ZFPM2: variants seen among roughly 807,000 people sequenced by gnomAD.
ZFPM2 encodes the protein zinc finger protein, FOG family member 2.
Under a neutral mutation model 98.6 loss-of-function variants are expected in ZFPM2, and 20 were observed. The ratio of observed to expected loss-of-function variants is 0.20; its 90% CI spans 0.14 to 0.29. The LOEUF (loss-of-function observed/expected upper bound fraction) is 0.29. Ranked by LOEUF, ZFPM2 falls within the 10% of genes least tolerant of loss-of-function variation. The pLI is 1.00. For missense variants in ZFPM2, 1,310 were observed against 1,388.6 expected (o/e 0.94, Z 0.90); for synonymous variants, 518 against 502.7 (o/e 1.03, Z -0.41).
chr8:105,368,234 G>A (rs969976693), intron 1 of ZFPM2, among the ~76,000 whole-genome samples: 1 of 150,662 alleles, frequency 6.6e-6, no homozygotes, highest in Non-Finnish European at 1.5e-5. Flanking sequence ...AATGATGCTG[G>A]CCTCATAAAA....
At chr8:105,789,581 G>C (rs1487637979) in intron 6 of ZFPM2, among the ~76,000 whole-genome samples, 2 of 151,308 alleles carry the variant, frequency 1.3e-5, no homozygotes, top group African/African-American at 4.8e-5. Context: ...ATGATTTATA[G>C]TCCTTTGGGT....
At chr8:105,444,451 G>T in intron 3 of ZFPM2, 70 bp downstream of exon 3, 2 of 1,203,604 alleles carry the variant, frequency 1.7e-6, no homozygotes, top group Non-Finnish European at 1.2e-6. Flanking sequence ...TTTTTTTCTT[G>T]AACATCAGTT....
intron 3 of ZFPM2, among the ~76,000 whole-genome samples, chr8:105,519,079 T>C (rs530976759): frequency 1.3e-5 from 2 of 152,286 alleles, no homozygotes; most frequent in Middle Eastern, 3.4e-3. Context: ...TTTAATTCTC[T>C]CAATGTCTTC....
intron 1 of ZFPM2, among the ~76,000 whole-genome samples, chr8:105,377,987 A>G (rs1323755903): frequency 6.6e-6 from 1 of 152,124 alleles, no homozygotes; most frequent in Non-Finnish European, 1.5e-5. Context: ...CAGTTATGGG[A>G]AACTAGGGAA....
intron 4 of ZFPM2, among the ~76,000 whole-genome samples, chr8:105,571,127 G>A (rs1444300899): frequency 2.0e-5 from 3 of 152,212 alleles, no homozygotes; most frequent in Non-Finnish European, 4.4e-5. Context: ...GAGGATCGGT[G>A]TGAAGGATGA....
At chr8:105,711,899 A>G (rs1038058089) in intron 5 of ZFPM2, among the ~76,000 whole-genome samples, 3 of 151,978 alleles carry the variant, frequency 2.0e-5, no homozygotes, top group Non-Finnish European at 2.9e-5. Flanking sequence ...GCTTCTTTCT[A>G]TGGTTTTATA....
At position 105,802,227 on chromosome 8, in the gene ZFPM2, C is replaced by A; in HGVS notation, c.2145C>A (p.Asp715Glu). The A allele has an allele frequency of 6.2e-7, 1 of 1,613,934 alleles. No homozygotes were observed. Among genetic ancestry groups the A allele is most frequent in the East Asian group, 2.2e-5 (1 of 44,850 alleles). ...HKQYYCATRH[D>E]PPLKRSASNK... ...AGTATTACTGTGCTACACGCCACGA[C>A]CCTCCACTGAAGAGGTCTGCTTCCA... Residue 715 changes from aspartate (D) to glutamate (E), a missense_variant, in exon 8 of 8, where the codon GAC becomes GAA. Physicochemically the swap from Asp to Glu is conservative, Grantham distance 45. Coordinates refer to ENST00000407775, the MANE Select transcript of ZFPM2 (RefSeq NM_012082.4).
chr8:105,786,891 A>G (rs1360287539), intron 5 of ZFPM2, among the ~76,000 whole-genome samples: 1 of 152,198 alleles, frequency 6.6e-6, no homozygotes, highest in African/African-American at 2.4e-5. Context: ...AAAGGTACAC[A>G]TAGCTGGACT....
intron 5 of ZFPM2, among the ~76,000 whole-genome samples, chr8:105,778,867 G>C (rs1450397396): frequency 1.3e-5 from 2 of 149,684 alleles, no homozygotes; most frequent in African/African-American, 4.9e-5. Flanking sequence ...AAATAATCTT[G>C]AGAGCCTGAT....
chr8:105,760,392 C>G (rs1418039198), intron 5 of ZFPM2, among the ~76,000 whole-genome samples: 1 of 151,966 alleles, frequency 6.6e-6, no homozygotes, highest in African/African-American at 2.4e-5. Context: ...TTCCCTTAAC[C>G]AACTCTGCAC....
intron 5 of ZFPM2, among the ~76,000 whole-genome samples, chr8:105,779,733 T>C (rs1237646204): frequency 6.6e-6 from 1 of 152,210 alleles, no homozygotes; most frequent in African/African-American, 2.4e-5. Flanking sequence ...AAAAGGCTTG[T>C]CTTAATCTTA....
intron 7 of ZFPM2, 113 bp downstream of exon 7, chr8:105,799,061 T>C (rs1481158025): frequency 2.0e-6 from 2 of 994,194 alleles, no homozygotes; most frequent in African/African-American, 1.6e-5. Flanking sequence ...ATCTATAACA[T>C]CAAAATCAAA....
At chr8:105,433,506 G>A (rs774580457) in intron 2 of ZFPM2, among the ~76,000 whole-genome samples, 2 of 152,084 alleles carry the variant, frequency 1.3e-5, no homozygotes, top group East Asian at 1.9e-4. Context: ...TAGAAATTGC[G>A]GCTGGGCACG....
At chr8:105,791,528 C>T (rs111495006) in intron 6 of ZFPM2, among the ~76,000 whole-genome samples, 2 of 152,018 alleles carry the variant, frequency 1.3e-5, no homozygotes, top group Non-Finnish European at 2.9e-5. Context: ...CAATGTTCAT[C>T]AAGGATATTG....
At chr8:105,526,552 T>C (rs1814178268) in intron 3 of ZFPM2, among the ~76,000 whole-genome samples, 2 of 152,210 alleles carry the variant, frequency 1.3e-5, no homozygotes, top group African/African-American at 4.8e-5. Flanking sequence ...TTTTAAATTT[T>C]ATATTTGCAT....
intron 2 of ZFPM2, among the ~76,000 whole-genome samples, chr8:105,424,080 C>G (rs544536304): frequency 1.8e-4 from 28 of 152,248 alleles, no homozygotes; most frequent in African/African-American, 4.8e-4. Flanking sequence ...GCACCAAAAT[C>G]TCAGACATCA....
At chr8:105,707,859 C>T (rs1442335) in intron 5 of ZFPM2, among the ~76,000 whole-genome samples, 75,424 of 152,022 alleles carry the variant, frequency 0.5, 19,607 homozygotes, top group East Asian at 0.69. Context: ...GTAGAGGCAC[C>T]TTACCTCATG....
intron 2 of ZFPM2, among the ~76,000 whole-genome samples, chr8:105,441,024 G>A (rs575674838): frequency 3.9e-5 from 6 of 152,012 alleles, no homozygotes; most frequent in Admixed American, 1.3e-4. Context: ...GCATGGTGGC[G>A]CCTGCCTGTA....
intron 3 of ZFPM2, among the ~76,000 whole-genome samples, chr8:105,536,459 G>C (rs1299191838): frequency 6.7e-6 from 1 of 149,948 alleles, no homozygotes. Flanking sequence ...TTTTTATGCT[G>C]TACTCCTCAA....
Sources: gnomAD v4.1 joint callset for allele counts (sites outside exome capture counted in the v4.1 genomes callset) on GRCh38, gnomAD v4.1.1 for gene constraint, MANE v1.5 for transcripts, NCBI Gene and HGNC (gene_info 2026-07-23, HGNC 2026-07-21) for gene names.